ZNF644: variants seen among roughly 807,000 people sequenced by gnomAD.
ZNF644 encodes zinc finger motif enhancer binding protein 2.
A neutral mutation model predicts 108.0 loss-of-function variants in ZNF644; 20 were observed. That is an observed-to-expected ratio of 0.19 (90% CI 0.13 to 0.27). ZNF644 has a LOEUF of 0.27. Among genes scored for constraint, ZNF644 ranks in the 10% least tolerant of loss-of-function variants. The probability of loss-of-function intolerance (pLI) is 1.00; values close to 1 mark genes in which losing one functional copy is unlikely to be tolerated. For synonymous variants in ZNF644, 542 were observed against 539.1 expected (o/e 1.01, Z -0.08); for missense variants, 1,338 against 1,548.9 (o/e 0.86, Z 2.29).
chr1:91,018,575 G>C (rs1344626640), intron 1 of ZNF644, among the ~76,000 whole-genome samples: 1 of 152,176 alleles, frequency 6.6e-6, no homozygotes, highest in Non-Finnish European at 1.5e-5. Flanking sequence ...TATAAAATCA[G>C]GGTTAGATAA....
At chr1:90,922,578 CT>C (rs1046750466) in intron 4 of ZNF644, among the ~76,000 whole-genome samples, 3 of 152,048 alleles carry the variant, frequency 2.0e-5, no homozygotes, top group Non-Finnish European at 4.4e-5. Context: ...GAAAAATAAA[CT>C]CAACTCTTTT....
intron 2 of ZNF644, among the ~76,000 whole-genome samples, chr1:90,952,328 A>T (rs959388904): frequency 6.6e-6 from 1 of 152,240 alleles, no homozygotes; most frequent in African/African-American, 2.4e-5. Flanking sequence ...TAAACATGTA[A>T]TTATTCTCAC....
chr1:90,917,354 G>A (rs1379962662), intron 5 of ZNF644, among the ~76,000 whole-genome samples: 1 of 152,160 alleles, frequency 6.6e-6, no homozygotes, highest in Non-Finnish European at 1.5e-5. Flanking sequence ...CTTCATGTGT[G>A]TTGTGTGTGA....
intron 1 of ZNF644, among the ~76,000 whole-genome samples, chr1:90,987,988 A>T (rs979852830): frequency 6.6e-6 from 1 of 152,188 alleles, no homozygotes; most frequent in Non-Finnish European, 1.5e-5. Flanking sequence ...GTTTCCTCTA[A>T]GATAGAGAAC....
intron 4 of ZNF644, among the ~76,000 whole-genome samples, chr1:90,919,555 T>A (rs1329567116): frequency 6.6e-6 from 1 of 152,148 alleles, no homozygotes; most frequent in Non-Finnish European, 1.5e-5. Context: ...GTCACCTGCC[T>A]ATTCAAAAGT....
At chr1:91,004,663 A>G (rs2101704511) in intron 1 of ZNF644, among the ~76,000 whole-genome samples, 1 of 152,306 alleles carries the variant, frequency 6.6e-6, no homozygotes, top group East Asian at 1.9e-4. Flanking sequence ...TTTAAAAGGT[A>G]TAAAAGGATG....
intron 2 of ZNF644, among the ~76,000 whole-genome samples, chr1:90,948,770 T>C (rs577548236): frequency 4.6e-5 from 7 of 152,316 alleles, no homozygotes; most frequent in East Asian, 1.9e-4. Context: ...TTGGGAAAAG[T>C]TGACCAACAG....
At chr1:90,961,964 G>C (rs1251817421) in intron 2 of ZNF644, among the ~76,000 whole-genome samples, 1 of 151,932 alleles carries the variant, frequency 6.6e-6, no homozygotes, top group African/African-American at 2.4e-5. Context: ...TTGTGCCAAG[G>C]CTGAGAAACA....
In ZNF644 at chr1:90,916,866, G is replaced by C. The variant is rs775245416; in HGVS notation, c.3916C>G (p.Leu1306Val). The change falls in exon 6 of 6, where the codon CTA (leucine) becomes GTA (valine). Residue 1306 changes from leucine (L) to valine (V), a missense_variant. By Grantham distance (32) the Leu-to-Val change is conservative. This residue lies in a region of ZNF644 where 34 missense variants were observed against 78.6 expected (regional missense o/e 0.43). Coordinates refer to ENST00000337393, the MANE Select transcript of ZNF644 (RefSeq NM_201269.3). Reference sequence around the variant, plus strand: ...GTAATGGAGGCAGGCTTTTTAAGTAGTGACGTGACTTCCACCATGCCAGCT... The same window carrying C: ...GTAATGGAGGCAGGCTTTTTAAGTACTGACGTGACTTCCACCATGCCAGCT... ...TGAGMVEVTS[L>V]LKKPASITET... 3.1e-6 allele frequency: 5 copies of C among 1,614,068 alleles called. No individual in the cohort carries two copies.
intron 2 of ZNF644, among the ~76,000 whole-genome samples, chr1:90,964,981 C>T (rs969550002): frequency 2.0e-5 from 3 of 152,122 alleles, no homozygotes; most frequent in Non-Finnish European, 4.4e-5. Context: ...TAATGAAACA[C>T]ACACACATAC....
At chr1:90,998,848 C>T (rs191333607) in intron 1 of ZNF644, among the ~76,000 whole-genome samples, 43 of 152,252 alleles carry the variant, frequency 2.8e-4, no homozygotes, top group Middle Eastern at 6.8e-3. Context: ...TAGAGAAGTC[C>T]TTACATGACC....
chr1:90,985,852 T>C (rs75620743), intron 1 of ZNF644, among the ~76,000 whole-genome samples: 3,001 of 152,250 alleles, frequency 0.02, 80 homozygotes, highest in African/African-American at 0.068. Context: ...GGTAATTCTA[T>C]TTTTAGTTTT....
At position 90,938,281 on chromosome 1, in the gene ZNF644, C is replaced by T; in HGVS notation, c.3073G>A (p.Val1025Ile). Residue 1025 changes from valine to isoleucine, a missense_variant, in exon 3 of 6, where the codon GTT becomes ATT. Val to Ile is a conservative substitution (Grantham distance 29). This residue lies in a region of ZNF644 where 287 missense variants were observed against 310.9 expected (regional missense o/e 0.92). Coordinates refer to ENST00000337393, the MANE Select transcript of ZNF644 (RefSeq NM_201269.3). This position sits in a 1 kb window ranked among gnomAD's most constrained non-coding sequence, Gnocchi z 4.2. Reference sequence around the variant, plus strand: ...CCCATGGAGAACTTACCTTTTCTAACTCGTTTAACAGGTGTTCCTGTGCCA... The same window carrying T: ...CCCATGGAGAACTTACCTTTTCTAATTCGTTTAACAGGTGTTCCTGTGCCA... ...RTGTGTPVKR[V>I]RKAIEKSETT... 6.2e-7 allele frequency: 1 copy of T among 1,613,974 alleles called. No homozygotes were observed. Among genetic ancestry groups the T allele is most frequent in the Non-Finnish European group, 8.5e-7 (1 of 1,179,878 alleles).
intron 4 of ZNF644, among the ~76,000 whole-genome samples, chr1:90,928,995 C>T (rs1034293195): frequency 6.6e-6 from 1 of 151,986 alleles, no homozygotes; most frequent in African/African-American, 2.4e-5. Context: ...CAGCGATGAA[C>T]AGTCTTGGTA....
intron 1 of ZNF644, chr1:91,020,731 A>C (rs1660828067): frequency 6.6e-6 from 1 of 152,224 alleles, no homozygotes; most frequent in South Asian, 2.1e-4. Context: ...GGACCAAAAA[A>C]TGTTTACAAC....
intron 4 of ZNF644, among the ~76,000 whole-genome samples, chr1:90,928,177 G>A (rs530454953): frequency 4.0e-5 from 6 of 151,186 alleles, no homozygotes; most frequent in Non-Finnish European, 7.4e-5. Flanking sequence ...TTATGAGACG[G>A]AGTCTCACTC....
intron 4 of ZNF644, among the ~76,000 whole-genome samples, chr1:90,928,523 A>T (rs1650341557): frequency 6.6e-6 from 1 of 151,158 alleles, no homozygotes. Flanking sequence ...GGGTTTCACC[A>T]TGTTGACCAT....
At chr1:90,926,246 T>C (rs1650021639) in intron 4 of ZNF644, among the ~76,000 whole-genome samples, 1 of 152,084 alleles carries the variant, frequency 6.6e-6, no homozygotes, top group African/African-American at 2.4e-5. Context: ...AAACCTTAAT[T>C]TTACTATGAT....
At chr1:90,985,079 C>A (rs970419741) in intron 1 of ZNF644, among the ~76,000 whole-genome samples, 1 of 152,114 alleles carries the variant, frequency 6.6e-6, no homozygotes, top group African/African-American at 2.4e-5. Flanking sequence ...TTGCTTTGCT[C>A]GTACTCTCCA....
Sources: gnomAD v4.1 joint callset for allele counts (sites outside exome capture counted in the v4.1 genomes callset) on GRCh38, gnomAD v4.1.1 for gene constraint, gnomAD v4.1.1 regional missense constraint, Gnocchi (gnomAD v3.1) non-coding constraint, MANE v1.5 for transcripts, NCBI Gene and HGNC (gene_info 2026-07-23, HGNC 2026-07-21) for gene names.